The following CEP112 variants were observed in gnomAD, a reference collection of about 807,000 sequenced individuals.
CEP112 encodes the protein centrosomal protein 112, also known as centrosomal protein of 112 kDa.
CEP112 carries 127 observed loss-of-function variants against 153.0 expected under a neutral mutation model. The observed-to-expected ratio is 0.83, with a 90% CI of 0.72 to 0.96. The LOEUF is 0.96. Ranked by LOEUF, CEP112 falls within the 40% of genes least tolerant of loss-of-function variation. The pLI, the probability that CEP112 is intolerant of heterozygous loss-of-function variation, is 0.00. For synonymous variants in CEP112, 358 were observed against 374.4 expected, an observed-to-expected ratio of 0.96 and a Z score of 0.51; for missense variants, 1,089 against 1,101.2, an observed-to-expected ratio of 0.99 and a Z score of 0.16.
At chr17:65,668,050 C>T (rs759356855) in intron 24 of CEP112, among the ~76,000 whole-genome samples, 10 of 152,144 alleles carry the variant, frequency 6.6e-5, no homozygotes, top group Non-Finnish European at 1.0e-4. Flanking sequence ...GTGCCCACCA[C>T]CATGCCTGGA....
At chr17:65,753,530 G>T (rs1222146602) in intron 21 of CEP112, among the ~76,000 whole-genome samples, 1 of 152,128 alleles carries the variant, frequency 6.6e-6, no homozygotes, top group Non-Finnish European at 1.5e-5. Context: ...GAGAGGGCAT[G>T]TGACTATTGC....
intron 6 of CEP112, among the ~76,000 whole-genome samples, chr17:66,112,709 C>T (rs1044126078): frequency 2.0e-5 from 3 of 151,988 alleles, no homozygotes; most frequent in Admixed American, 6.6e-5. Context: ...TTTGGGAGGC[C>T]GAGGCAGGTG....
Position 65,866,209 on chromosome 17 carries a change from C to A in CEP112, c.2164-14175G>T, listed in dbSNP as rs547053998. On this transcript the variant is annotated intron_variant, in intron 20 of 26. Coordinates refer to ENST00000535342, the MANE Select transcript of CEP112 (RefSeq NM_001199165.4). ...CTGGCCTCTCCCTGCTCCCGGCACC[C>A]ACTCCAATCCTGGAGCAAGGTTGGG... is the stretch of plus-strand genomic sequence containing the variant. Among the ~76,000 whole-genome samples, 25 of 152,328 alleles carry A rather than the reference C, an allele frequency of 1.6e-4. No homozygotes were observed. In the South Asian group the frequency reaches 4.8e-3, roughly 29 times the overall value.
chr17:66,052,274 G>A (rs963153756), intron 12 of CEP112, among the ~76,000 whole-genome samples: 3 of 152,136 alleles, frequency 2.0e-5, no homozygotes, highest in Non-Finnish European at 4.4e-5. Context: ...TCTTACCTTT[G>A]CACCAACATA....
rs548764240 is a variant in CEP112 at position 65,928,700 on chromosome 17, A to C, written c.1873-1011T>G. Among the ~76,000 whole-genome samples the C allele has an allele frequency of 1.4e-4, 22 of 152,190 alleles. 1 individual carries two copies. In the South Asian group the frequency reaches 4.6e-3, roughly 32 times the overall value. ...CAACATAGTGAGACTGTGTCTCTAC[A>C]AAAAAGAAAAAAAATTAGCCGAGCG... On this transcript the variant is annotated intron_variant, in intron 18 of 26. Coordinates refer to ENST00000535342, the MANE Select transcript of CEP112 (RefSeq NM_001199165.4).
At chr17:65,843,199 C>T (rs2057590401) in intron 21 of CEP112, among the ~76,000 whole-genome samples, 2 of 151,996 alleles carry the variant, frequency 1.3e-5, no homozygotes, top group South Asian at 4.1e-4. Context: ...CTAAGTTTTC[C>T]AAGTTATTTG....
chr17:65,731,848 C>G (rs755763553), intron 23 of CEP112, among the ~76,000 whole-genome samples: 10 of 152,178 alleles, frequency 6.6e-5, no homozygotes, highest in Non-Finnish European at 1.5e-4. Context: ...GAGGTTGCAG[C>G]AATTCGGTCG....
At chr17:66,048,414 G>T (rs1480357304) in intron 12 of CEP112, among the ~76,000 whole-genome samples, 1 of 151,604 alleles carries the variant, frequency 6.6e-6, no homozygotes, top group Non-Finnish European at 1.5e-5. Flanking sequence ...AGTAAAGCTG[G>T]GAAAAAAAAG....
intron 21 of CEP112, among the ~76,000 whole-genome samples, chr17:65,793,764 A>G (rs1242032072): frequency 6.6e-6 from 1 of 152,220 alleles, no homozygotes; most frequent in Non-Finnish European, 1.5e-5. Context: ...TTCTGCTCCA[A>G]TAATTGTTCT....
chr17:66,124,170 G>A (rs1290443195), intron 6 of CEP112, among the ~76,000 whole-genome samples: 1 of 152,172 alleles, frequency 6.6e-6, no homozygotes, highest in Admixed American at 6.6e-5. Flanking sequence ...TGGGGGCTAT[G>A]TTCCACACAT....
chr17:65,698,344 T>C (rs1485772069), intron 23 of CEP112, among the ~76,000 whole-genome samples: 1 of 152,196 alleles, frequency 6.6e-6, no homozygotes, highest in Non-Finnish European at 1.5e-5. Context: ...GTTTTTCTTG[T>C]TTGTTATTCT....
intron 23 of CEP112, among the ~76,000 whole-genome samples, chr17:65,740,247 A>C (rs2051054771): frequency 6.6e-6 from 1 of 152,290 alleles, no homozygotes; most frequent in Admixed American, 6.5e-5. Context: ...TAGAAAGGAT[A>C]TAGAGAATGC....
intron 17 of CEP112, among the ~76,000 whole-genome samples, chr17:65,963,449 C>T (rs1329067045): frequency 6.6e-6 from 1 of 152,048 alleles, no homozygotes; most frequent in Admixed American, 6.6e-5. Context: ...ACAAAAATTT[C>T]TAGGCTTTTC....
intron 17 of CEP112, among the ~76,000 whole-genome samples, chr17:66,001,900 C>T (rs7214451): frequency 0.93 from 140,978 of 152,216 alleles, 65,521 homozygotes; most frequent in East Asian, 0.97. Context: ...GTACAACTCA[C>T]ACCATTAAAG....
chr17:65,823,673 T>C (rs1436624432), intron 21 of CEP112, among the ~76,000 whole-genome samples: 2 of 152,170 alleles, frequency 1.3e-5, no homozygotes, highest in Non-Finnish European at 2.9e-5. Flanking sequence ...TCATAAAAAT[T>C]AAGAATCTCT....
chr17:65,926,368 C>A (rs544297598), intron 19 of CEP112, among the ~76,000 whole-genome samples: 1 of 152,142 alleles, frequency 6.6e-6, no homozygotes, highest in Admixed American at 6.6e-5. Context: ...AATCTCCTTC[C>A]CACCCTCCAC....
At chr17:66,147,737 T>G (rs1029696441) in intron 4 of CEP112, among the ~76,000 whole-genome samples, 2 of 152,208 alleles carry the variant, frequency 1.3e-5, no homozygotes, top group African/African-American at 4.8e-5. Flanking sequence ...GGATATCCTT[T>G]TTTCCCAACA....
At chr17:65,893,192 G>A (rs895421922) in intron 20 of CEP112, among the ~76,000 whole-genome samples, 1 of 151,962 alleles carries the variant, frequency 6.6e-6, no homozygotes, top group African/African-American at 2.4e-5. Flanking sequence ...CGAGACTAGT[G>A]CAGCATTACA....
chr17:65,919,856 A>G (rs1327248041), intron 19 of CEP112, among the ~76,000 whole-genome samples: 2 of 152,104 alleles, frequency 1.3e-5, no homozygotes, highest in African/African-American at 4.8e-5. Context: ...GGTACCATGT[A>G]TGTATGGGTT....
Sources: gnomAD v4.1 joint callset for allele counts (sites outside exome capture counted in the v4.1 genomes callset) on GRCh38, gnomAD v4.1.1 for gene constraint, MANE v1.5 for transcripts, NCBI Gene and HGNC (gene_info 2026-07-23, HGNC 2026-07-21) for gene names.